The following CRTC3 variants were observed in gnomAD, a reference collection of about 807,000 sequenced individuals.
The protein encoded by CRTC3 is CREB-regulated transcription coactivator 3.
In CRTC3, 26 loss-of-function variants were observed where a neutral mutation model predicts 74.5. That is an observed-to-expected ratio of 0.35 (90% CI 0.26 to 0.48). CRTC3 has a LOEUF of 0.48. CRTC3 is among the 20% of genes least tolerant of loss of function. The pLI, the probability that CRTC3 is intolerant of heterozygous loss-of-function variation, is 0.99. For synonymous variants in CRTC3, 377 were observed against 325.8 expected, an observed-to-expected ratio of 1.16 and a Z score of -1.69; for missense variants, 760 against 787.3, an observed-to-expected ratio of 0.97 and a Z score of 0.41.
chr15:90,615,088 A>AATT (rs1567185522), intron 7 of CRTC3, among the ~76,000 whole-genome samples: 31 of 148,912 alleles, frequency 2.1e-4, no homozygotes, highest in African/African-American at 7.5e-4. Context: ...ATAAATAAAT[A>AATT]AATTAATTAA....
At position 90,629,379 on chromosome 15, in the gene CRTC3, C is replaced by T. The variant is rs186780519; in HGVS notation, c.1113C>T (p.Asn371=). The change falls in exon 11 of 15, where the codon AAC becomes AAT. Residue 371 remains asparagine, a synonymous_variant. Transcript: ENST00000268184. ...HPSLRLFSLS[N]PSLSTTNLSG... Reference sequence around the variant, plus strand: ...CGCTCCGTCTGTTTTCCCTTAGCAACCCATCTCTTTCCACCACAAACCTGA... The same window carrying T: ...CGCTCCGTCTGTTTTCCCTTAGCAATCCATCTCTTTCCACCACAAACCTGA... 1.2e-4 allele frequency: 200 copies of T among 1,614,130 alleles called. No individual in the cohort carries two copies. The East Asian group carries it at 3.9e-3, about 32-fold the overall frequency.
chr15:90,589,823 C>G (rs879767581), intron 2 of CRTC3, among the ~76,000 whole-genome samples: 2 of 151,908 alleles, frequency 1.3e-5, no homozygotes, highest in African/African-American at 2.4e-5. Context: ...CCAGTCTCTA[C>G]TAAAAATACA....
intron 2 of CRTC3, among the ~76,000 whole-genome samples, chr15:90,550,780 A>G (rs1966854162): frequency 6.6e-6 from 1 of 151,942 alleles, no homozygotes; most frequent in African/African-American, 2.4e-5. Flanking sequence ...ATGGAAGCCA[A>G]CCTCTCAGGG....
At position 90,644,806 on chromosome 15, in the gene CRTC3, C is replaced by G. The variant is rs1172866945; in HGVS notation, c.*2666C>G. 1 of 232,348 alleles carries G rather than the reference C, an allele frequency of 4.3e-6. No individual in the cohort carries two copies. 14.4% of individuals were successfully genotyped at this position (232,348 alleles called of 1,614,324 possible). A position where few individuals can be genotyped will look rare whatever the true frequency, so the allele number is the denominator to read the frequency against. ...TGGTCCTCAGCATTTGAAGCAGCTGCATACTTCAGAGTAAACTATTTTTCA... is the reference window on the plus strand; with the variant it reads ...TGGTCCTCAGCATTTGAAGCAGCTGGATACTTCAGAGTAAACTATTTTTCA... On this transcript the variant is annotated 3_prime_UTR_variant, in exon 15 of 15. Coordinates refer to ENST00000268184, the MANE Select transcript of CRTC3 (RefSeq NM_022769.5).
At chr15:90,633,586 T>C (rs918907769) in intron 11 of CRTC3, among the ~76,000 whole-genome samples, 1 of 152,208 alleles carries the variant, frequency 6.6e-6, no homozygotes, top group African/African-American at 2.4e-5. Flanking sequence ...TTCAAGATGA[T>C]GTGGCTTGGC....
chr15:90,573,552 C>T (rs1327702196), intron 2 of CRTC3, among the ~76,000 whole-genome samples: 1 of 86,652 alleles, frequency 1.2e-5, no homozygotes, highest in Non-Finnish European at 3.0e-5. Context: ...AGAGGGTTCC[C>T]ATTTTTTTTT....
intron 14 of CRTC3, among the ~76,000 whole-genome samples, chr15:90,641,509 AAC>A (rs1969441286): frequency 6.6e-6 from 1 of 152,118 alleles, no homozygotes; most frequent in African/African-American, 2.4e-5. Flanking sequence ...CATTCTGGCT[AAC>A]ACAGCGAAAC....
chr15:90,536,018 G>A (rs568721820), intron 1 of CRTC3, among the ~76,000 whole-genome samples: 1 of 152,172 alleles, frequency 6.6e-6, no homozygotes, highest in Non-Finnish European at 1.5e-5. Flanking sequence ...CTGCTGTAAG[G>A]TATCAGTATC....
At chr15:90,627,772 C>A (rs565344105) in intron 10 of CRTC3, among the ~76,000 whole-genome samples, 1 of 132,204 alleles carries the variant, frequency 7.6e-6, no homozygotes, top group South Asian at 2.4e-4. Context: ...CAGGCACCTG[C>A]CACCACGCCC....
chr15:90,642,520 G>A lies in CRTC3; in HGVS notation c.*380G>A, dbSNP rs559718857. The A allele has an allele frequency of 9.5e-4, 312 of 328,512 alleles. 1 individual carries two copies. The highest frequency in any genetic ancestry group is 1.7e-3 in the Middle Eastern group (2 of 1,160). The allele number at this position is 328,512 out of a possible 1,614,324, so 20.3% of individuals were successfully genotyped here. On this transcript the variant is annotated 3_prime_UTR_variant, in exon 15 of 15. Transcript: ENST00000268184. ...AGTGTGCTCAGAACCACTGATCTCC[G>A]TCCGCACCGAAGGCGGGCCCGGAGT...
chr15:90,603,297 G>C (rs1303893838), intron 4 of CRTC3, among the ~76,000 whole-genome samples: 9 of 149,414 alleles, frequency 6.0e-5, no homozygotes, highest in African/African-American at 2.2e-4. Flanking sequence ...CAAAAAAGTA[G>C]CCGGGCGTGG....
chr15:90,607,453 G>C lies in CRTC3; in HGVS notation c.552G>C (p.Gln184His), dbSNP rs1318796956. The change falls in exon 6 of 15, where the codon CAG becomes CAC. Residue 184 changes from glutamine to histidine, a missense_variant. By Grantham distance (24) the Gln-to-His change is conservative. Coordinates refer to ENST00000268184, the MANE Select transcript of CRTC3 (RefSeq NM_022769.5). Reference sequence around the variant, plus strand: ...AGGACCCCTATGGAGGAGGGGGCCAGTCGGCCTGGCCTGCCCCATACATGG... The same window carrying C: ...AGGACCCCTATGGAGGAGGGGGCCACTCGGCCTGGCCTGCCCCATACATGG... ...KPQDPYGGGG[Q>H]SAWPAPYMGF... The C allele has an allele frequency of 3.7e-6, 6 of 1,612,032 alleles. No individual in the cohort carries two copies. Among genetic ancestry groups the C allele is most frequent in the African/African-American group, 2.7e-5 (2 of 74,918 alleles).
At chr15:90,634,875 T>TCGGGTTCTAAAGGTAA (rs2037195071) in intron 11 of CRTC3, 1 of 1,556,764 alleles carries the variant, frequency 6.4e-7, no homozygotes, top group African/African-American at 1.4e-5. Context: ...CACTGTTGGA[T>TCGGGTTCTAAAGGTAA]CGGGTTCTAA....
intron 11 of CRTC3, among the ~76,000 whole-genome samples, chr15:90,631,280 G>A (rs1040694971): frequency 2.0e-5 from 3 of 152,126 alleles, no homozygotes; most frequent in Admixed American, 6.5e-5. Flanking sequence ...TCACTCTGTC[G>A]CCCAAGCTGG....
intron 3 of CRTC3, chr15:90,600,644 T>A (rs1968044770): frequency 6.6e-6 from 1 of 152,150 alleles, no homozygotes; most frequent in African/African-American, 2.4e-5. Flanking sequence ...ATGGGGAAAA[T>A]ATCTGCCTCT....
intron 6 of CRTC3, among the ~76,000 whole-genome samples, chr15:90,608,445 T>A (rs1169046472): frequency 6.6e-6 from 1 of 152,116 alleles, no homozygotes; most frequent in Non-Finnish European, 1.5e-5. Context: ...CCTGTTCCTG[T>A]CTCTTCCTCT....
At chr15:90,557,122 T>C (rs917851988) in intron 2 of CRTC3, among the ~76,000 whole-genome samples, 1 of 152,094 alleles carries the variant, frequency 6.6e-6, no homozygotes, top group African/African-American at 2.4e-5. Flanking sequence ...TCTTATACTC[T>C]AGCTAGGGAA....
intron 11 of CRTC3, among the ~76,000 whole-genome samples, chr15:90,630,612 C>T (rs1257241362): frequency 6.6e-6 from 1 of 152,126 alleles, no homozygotes; most frequent in African/African-American, 2.4e-5. Context: ...GACCCTGTCT[C>T]AAAAGAAAAG....
intron 9 of CRTC3, among the ~76,000 whole-genome samples, chr15:90,622,473 C>A (rs535134693): frequency 6.6e-6 from 1 of 152,190 alleles, no homozygotes; most frequent in Non-Finnish European, 1.5e-5. Flanking sequence ...TCTGCTGTCA[C>A]GTTGAGGGCT....
Sources: gnomAD v4.1 joint callset for allele counts (sites outside exome capture counted in the v4.1 genomes callset) on GRCh38, gnomAD v4.1.1 for gene constraint, MANE v1.5 for transcripts, NCBI Gene and HGNC (gene_info 2026-07-23, HGNC 2026-07-21) for gene names.